The following TTC23 variants were observed in gnomAD, a reference collection of about 807,000 sequenced individuals.
TTC23 encodes the protein tetratricopeptide repeat domain 23.
Under a neutral mutation model 55.1 loss-of-function variants are expected in TTC23, and 58 were observed. The ratio of observed to expected loss-of-function variants is 1.05; its 90% CI spans 0.85 to 1.31. The LOEUF is 1.31. Ranked by LOEUF, TTC23 falls within the 50% of genes most tolerant of loss-of-function variation. The pLI, the probability that TTC23 is intolerant of heterozygous loss-of-function variation, is 0.00. For missense variants in TTC23, 516 were observed against 534.4 expected, an observed-to-expected ratio of 0.97 and a Z score of 0.34; for synonymous variants, 203 against 199.9, an observed-to-expected ratio of 1.02 and a Z score of -0.13.
At chr15:99,237,861 G>A (rs1005269161) in intron 3 of TTC23, among the ~76,000 whole-genome samples, 3 of 152,036 alleles carry the variant, frequency 2.0e-5, no homozygotes, top group African/African-American at 7.3e-5. Flanking sequence ...TATAGACCAG[G>A]CTTTCAGAGA....
chr15:99,218,550 C>A, intron 8 of TTC23, 38 bp downstream of exon 8: 2 of 1,612,824 alleles, frequency 1.2e-6, no homozygotes, highest in South Asian at 1.1e-5. Context: ...AAGAGCCTCC[C>A]GCCATCATGT....
Position 99,139,308 on chromosome 15 carries a change from C to G in TTC23, c.1226+9G>C, listed in dbSNP as rs187809618. On this transcript the variant is annotated intron_variant, in intron 13 of 13. Coordinates refer to ENST00000394132, the MANE Select transcript of TTC23 (RefSeq NM_001288615.3). ...TGAGATAGAGAAAGTGTGAGGGACGCCAACTCACGTGGACAGCATGCCCAT... is the reference window on the plus strand; with the variant it reads ...TGAGATAGAGAAAGTGTGAGGGACGGCAACTCACGTGGACAGCATGCCCAT... The G allele has an allele frequency of 1.4e-5, 22 of 1,611,064 alleles. No individual in the cohort carries two copies. The Admixed American group carries it at 3.0e-4, about 22-fold the overall frequency.
intron 8 of TTC23, among the ~76,000 whole-genome samples, chr15:99,208,829 C>T (rs1055786035): frequency 3.9e-5 from 6 of 152,158 alleles, no homozygotes; most frequent in South Asian, 2.1e-4. Flanking sequence ...CAGTCAATTT[C>T]GGGTAATCTT....
chr15:99,146,894 T>C (rs140824336), intron 12 of TTC23, among the ~76,000 whole-genome samples: 83 of 152,348 alleles, frequency 5.4e-4, no homozygotes, highest in Middle Eastern at 3.4e-3. Flanking sequence ...ACACAGCCTA[T>C]AGTGGGCAAG....
chr15:99,186,162 A>T (rs1185328424), intron 9 of TTC23, among the ~76,000 whole-genome samples: 1 of 152,252 alleles, frequency 6.6e-6, no homozygotes, highest in East Asian at 1.9e-4. Context: ...AAAGTAGCTT[A>T]TACTGGCAGA....
intron 12 of TTC23, chr15:99,148,608 A>C (rs1555495292): frequency 6.6e-6 from 1 of 152,074 alleles, no homozygotes; most frequent in Non-Finnish European, 1.5e-5. Flanking sequence ...CCAGATGATG[A>C]CTGGACCCAA....
chr15:99,177,342 G>A (rs753315314), intron 9 of TTC23, among the ~76,000 whole-genome samples: 2 of 152,108 alleles, frequency 1.3e-5, no homozygotes, highest in Non-Finnish European at 2.9e-5. Flanking sequence ...ATGTGATTTT[G>A]GCAACCCCAA....
intron 8 of TTC23, among the ~76,000 whole-genome samples, chr15:99,206,411 A>G (rs570261650): frequency 6.6e-6 from 1 of 152,172 alleles, no homozygotes; most frequent in East Asian, 1.9e-4. Flanking sequence ...AATGTGTGGT[A>G]GAATTTAGTA....
chr15:99,248,159 G>A (rs1014115908), intron 1 of TTC23: 1 of 152,154 alleles, frequency 6.6e-6, no homozygotes, highest in African/African-American at 2.4e-5. Context: ...TAAGGTAAAT[G>A]TATTCGGGTA....
chr15:99,237,222 TC>T (rs1308360179), intron 3 of TTC23, among the ~76,000 whole-genome samples: 3 of 152,110 alleles, frequency 2.0e-5, no homozygotes, highest in African/African-American at 7.2e-5. Context: ...CCTTAAGTGA[TC>T]CACCTGCCTC....
chr15:99,236,268 G>A (rs192990594), intron 3 of TTC23, among the ~76,000 whole-genome samples: 12 of 152,052 alleles, frequency 7.9e-5, no homozygotes, highest in African/African-American at 2.7e-4. Flanking sequence ...AGAGCACAAG[G>A]GCTCCAATTC....
chr15:99,215,264 T>C (rs1368810160), intron 8 of TTC23, among the ~76,000 whole-genome samples: 1 of 152,108 alleles, frequency 6.6e-6, no homozygotes, highest in Non-Finnish European at 1.5e-5. Flanking sequence ...ACAAATATTG[T>C]CTGTAGTATA....
chr15:99,139,570 G>C (rs781901603), intron 12 of TTC23, 171 bp from the exon 13 acceptor site: 154 of 1,543,446 alleles, frequency 1.0e-4, no homozygotes, highest in East Asian at 8.4e-4. Flanking sequence ...TGGATGTTCT[G>C]AGGGATCTAG....
upstream of TTC23, among the ~76,000 whole-genome samples, chr15:99,250,062 T>C (rs995945750): frequency 4.6e-5 from 7 of 152,218 alleles, no homozygotes; most frequent in African/African-American, 1.7e-4. Flanking sequence ...ACTGTTAATC[T>C]TTTTTCTTTT....
chr15:99,209,370 T>C (rs1318869636), intron 8 of TTC23, among the ~76,000 whole-genome samples: 3 of 152,196 alleles, frequency 2.0e-5, no homozygotes, highest in Non-Finnish European at 2.9e-5. Context: ...AAGAATTACA[T>C]CTGGGTATCT....
chr15:99,154,512 C>T (rs565787741), intron 12 of TTC23, among the ~76,000 whole-genome samples: 1 of 152,314 alleles, frequency 6.6e-6, no homozygotes. Flanking sequence ...TTCTCTCTCT[C>T]ATTTCCTTTT....
chr15:99,230,615 A>G (rs1386167837), intron 4 of TTC23, among the ~76,000 whole-genome samples: 1 of 152,202 alleles, frequency 6.6e-6, no homozygotes. Context: ...AAGTAGAGAA[A>G]AAAGACACAT....
intron 9 of TTC23, among the ~76,000 whole-genome samples, chr15:99,179,479 C>T (rs2073917773): frequency 6.6e-6 from 1 of 152,216 alleles, no homozygotes; most frequent in East Asian, 1.9e-4. Flanking sequence ...TGGGGAACCA[C>T]CTAAATATCT....
At chr15:99,196,173 G>C (rs1213540327) in intron 9 of TTC23, among the ~76,000 whole-genome samples, 3 of 150,636 alleles carry the variant, frequency 2.0e-5, no homozygotes, top group Non-Finnish European at 4.4e-5. Flanking sequence ...AAAAAAGTTT[G>C]AGAGATATGG....
Sources: gnomAD v4.1 joint callset for allele counts (sites outside exome capture counted in the v4.1 genomes callset) on GRCh38, gnomAD v4.1.1 for gene constraint, MANE v1.5 for transcripts, NCBI Gene and HGNC (gene_info 2026-07-23, HGNC 2026-07-21) for gene names.